Variants in RAD51B observed in about 807,000 individuals in gnomAD.
RAD51B encodes the protein RAD51 paralog B.
A neutral mutation model predicts 42.2 loss-of-function variants in RAD51B; 38 were observed. That is an observed-to-expected ratio of 0.90 (90% CI 0.70 to 1.18). The LOEUF is 1.18. Among genes scored for constraint, RAD51B ranks in the 50% most tolerant of loss-of-function variants. RAD51B has a pLI of 0.00. For missense variants in RAD51B, 373 were observed against 400.7 expected, an observed-to-expected ratio of 0.93 and a Z score of 0.59; for synonymous variants, 154 against 145.2, an observed-to-expected ratio of 1.06 and a Z score of -0.43.
chr14:68,041,575 T>A (rs1194916827), intron 7 of RAD51B, among the ~76,000 whole-genome samples: 1 of 152,000 alleles, frequency 6.6e-6, no homozygotes, highest in Non-Finnish European at 1.5e-5. Flanking sequence ...TTTTTTTTTT[T>A]AATCCTTGTT....
At chr14:68,397,052 C>T (rs1262904957) in intron 8 of RAD51B, among the ~76,000 whole-genome samples, 2 of 152,162 alleles carry the variant, frequency 1.3e-5, no homozygotes, top group Non-Finnish European at 2.9e-5. Context: ...ATAATGGTAC[C>T]TCCCTCACAG....
At chr14:68,189,485 G>C (rs912073419) in intron 7 of RAD51B, among the ~76,000 whole-genome samples, 1 of 152,144 alleles carries the variant, frequency 6.6e-6, no homozygotes, top group Admixed American at 6.5e-5. Flanking sequence ...GGCAATTATA[G>C]ATCAGTGACT....
intron 7 of RAD51B, among the ~76,000 whole-genome samples, chr14:67,986,221 C>A (rs776568669): frequency 3.3e-5 from 5 of 152,140 alleles, no homozygotes; most frequent in Non-Finnish European, 7.3e-5. Flanking sequence ...GCCTATGATT[C>A]AAATTAAAAA....
At chr14:68,026,506 T>G (rs1008717315) in intron 7 of RAD51B, among the ~76,000 whole-genome samples, 6 of 152,172 alleles carry the variant, frequency 3.9e-5, no homozygotes, top group Non-Finnish European at 5.9e-5. Context: ...CAAGAAGAAC[T>G]TGTTTTATGA....
intron 7 of RAD51B, among the ~76,000 whole-genome samples, chr14:68,165,405 A>G (rs942387634): frequency 2.0e-5 from 3 of 152,170 alleles, no homozygotes; most frequent in Admixed American, 1.3e-4. Flanking sequence ...GATAATGGCC[A>G]TCTAGAGGTT....
chr14:68,092,838 G>A (rs1197262784), intron 7 of RAD51B, among the ~76,000 whole-genome samples: 2 of 152,008 alleles, frequency 1.3e-5, no homozygotes, highest in South Asian at 4.2e-4. Context: ...CTGTGGGTTT[G>A]TCATAGATAG....
At chr14:68,424,303 T>A (rs2084781108) in intron 9 of RAD51B, among the ~76,000 whole-genome samples, 1 of 152,246 alleles carries the variant, frequency 6.6e-6, no homozygotes, top group South Asian at 2.1e-4. Context: ...GAAAGTATTA[T>A]CCCAGCATCC....
In RAD51B at chr14:68,506,550, C is replaced by T. The variant is rs553848234; in HGVS notation, c.1036+38300C>T. ...GCGTGCGCGTGCATGTGTGCGTGCA[C>T]GCCGGTGCACACGTGGGAATATAAA... On this transcript the variant is annotated intron_variant, in intron 10 of 10. Coordinates refer to the RAD51B transcript ENST00000487270. Among the ~76,000 whole-genome samples, 75 of 152,328 alleles carry T rather than the reference C, an allele frequency of 4.9e-4. 3 individuals are homozygous for T. The South Asian group carries it at 0.014, about 28-fold the overall frequency.
intron 8 of RAD51B, among the ~76,000 whole-genome samples, chr14:68,355,417 G>A (rs997804479): frequency 3.9e-5 from 6 of 152,194 alleles, no homozygotes; most frequent in African/African-American, 1.4e-4. Context: ...ACAACAGAAA[G>A]TAAAGTGGAA....
intron 8 of RAD51B, among the ~76,000 whole-genome samples, chr14:68,292,654 A>G (rs1177600626): frequency 1.3e-5 from 2 of 152,220 alleles, no homozygotes; most frequent in East Asian, 1.9e-4. Flanking sequence ...GTAGACATGC[A>G]TAGCTCTTCC....
chr14:68,414,859 TA>T (rs33968049), intron 9 of RAD51B, among the ~76,000 whole-genome samples: 26,797 of 71,252 alleles, frequency 0.38, 3,991 homozygotes, highest in East Asian at 0.49. Flanking sequence ...CCATCTCTAC[TA>T]AAAAAAAAAA....
intron 8 of RAD51B, among the ~76,000 whole-genome samples, chr14:68,340,148 A>G (rs1003627321): frequency 2.0e-5 from 3 of 152,254 alleles, no homozygotes; most frequent in Non-Finnish European, 2.9e-5. Flanking sequence ...GACCGATACA[A>G]TGAGTTACCA....
chr14:68,415,715 G>A (rs562748244), intron 9 of RAD51B, among the ~76,000 whole-genome samples: 2 of 152,322 alleles, frequency 1.3e-5, no homozygotes, highest in South Asian at 2.1e-4. Flanking sequence ...GCCTTCTAGC[G>A]AGGGCTGGAA....
intron 3 of RAD51B, among the ~76,000 whole-genome samples, chr14:67,832,556 C>A (rs1052231567): frequency 6.6e-6 from 1 of 152,034 alleles, no homozygotes; most frequent in African/African-American, 2.4e-5. Context: ...TAATATCTGG[C>A]AATTCTCTTA....
intron 7 of RAD51B, among the ~76,000 whole-genome samples, chr14:67,922,245 A>G (rs1595111141): frequency 6.6e-6 from 1 of 152,142 alleles, no homozygotes; most frequent in Non-Finnish European, 1.5e-5. Context: ...TGAGTTTGTT[A>G]CTTCTCAGCA....
intron 7 of RAD51B, among the ~76,000 whole-genome samples, chr14:68,049,222 G>C (rs934148953): frequency 2.6e-5 from 4 of 152,006 alleles, no homozygotes; most frequent in African/African-American, 9.7e-5. Flanking sequence ...TGGGGGGAGC[G>C]GGGAGGGATA....
chr14:67,857,141 C>T (rs2042021905), intron 4 of RAD51B, among the ~76,000 whole-genome samples: 1 of 151,782 alleles, frequency 6.6e-6, no homozygotes, highest in Non-Finnish European at 1.5e-5. Context: ...TGTTTTCACC[C>T]ACTAAATAAA....
chr14:68,477,566 T>G, intron 10 of RAD51B, 82 bp from the exon 11 acceptor site: 1 of 1,471,124 alleles, frequency 6.8e-7, no homozygotes, highest in Non-Finnish European at 9.2e-7. Flanking sequence ...GAAAGTTCCA[T>G]TTAGGTTGCT....
At chr14:67,873,416 A>G (rs1389364850) in intron 5 of RAD51B, among the ~76,000 whole-genome samples, 1 of 151,768 alleles carries the variant, frequency 6.6e-6, no homozygotes, top group Non-Finnish European at 1.5e-5. Context: ...TAGAATGGCA[A>G]TCATTAAAAA....
Sources: allele counts gnomAD v4.1 joint callset (sites outside exome capture counted in the v4.1 genomes callset), GRCh38; gene constraint gnomAD v4.1.1; transcripts MANE v1.5; gene names NCBI Gene and HGNC (gene_info 2026-07-23, HGNC 2026-07-21).